ZFC3H1: variants seen among roughly 807,000 people sequenced by gnomAD.
The protein encoded by ZFC3H1 is zinc finger C3H1-type containing, also known as zinc finger C3H1 domain-containing protein.
In ZFC3H1, 71 loss-of-function variants were observed where a neutral mutation model predicts 243.7. That is an observed-to-expected ratio of 0.29 (90% confidence interval 0.24 to 0.36). The LOEUF (loss-of-function observed/expected upper bound fraction) is 0.36, where lower values mean the gene tolerates loss of function less well. Ranked by LOEUF, ZFC3H1 falls within the 10% of genes least tolerant of loss-of-function variation. The pLI is 1.00. For missense variants in ZFC3H1, 1,966 were observed against 2,317.1 expected (o/e 0.85, Z 3.11); for synonymous variants, 838 against 813.0 (o/e 1.03, Z -0.52).
Position 71,663,272 on chromosome 12 carries a change from A to G in ZFC3H1, c.339T>C (p.His113=), listed in dbSNP as rs766017563. 6 of 1,613,482 alleles carry G rather than the reference A, an allele frequency of 3.7e-6. No homozygotes were observed. In the East Asian group the frequency reaches 1.3e-4, roughly 36 times the overall value. ...TCGAAGGCATCCGTACAGAAGGCGG[A>G]TGAGACCGGAACGGTTCTTTGGGTC... The part of the protein sequence containing the change: ...SYRPKEPFRS[H]PPSVRMPSSS... The change falls in exon 1 of 35, where the codon CAT becomes CAC. Residue 113 remains histidine (H), a synonymous_variant. Transcript: ENST00000378743.
At chr12:71,655,778 T>G (rs889792253) in intron 2 of ZFC3H1, among the ~76,000 whole-genome samples, 1 of 151,914 alleles carries the variant, frequency 6.6e-6, no homozygotes, top group African/African-American at 2.4e-5. Context: ...CCCAACTAAT[T>G]TGAGTATTAT....
intron 23 of ZFC3H1, 135 bp from the exon 24 acceptor site, chr12:71,623,732 T>A: frequency 1.5e-6 from 1 of 658,166 alleles, no homozygotes; most frequent in Middle Eastern, 4.2e-4. Context: ...GTCCTGATAC[T>A]TAAAATCTAA....
At chr12:71,655,522 T>C (rs1367601165) in intron 2 of ZFC3H1, among the ~76,000 whole-genome samples, 1 of 151,972 alleles carries the variant, frequency 6.6e-6, no homozygotes, top group East Asian at 1.9e-4. Context: ...ATACTACAGA[T>C]AAAAAAGTAA....
Position 71,632,509 on chromosome 12 carries a change from G to C in ZFC3H1, c.2823C>G (p.Asn941Lys). 6.4e-7 allele frequency: 1 copy of C among 1,552,682 alleles called. No individual in the cohort carries two copies. Among genetic ancestry groups the C allele is most frequent in the Non-Finnish European group, 8.6e-7 (1 of 1,162,658 alleles). The change falls in exon 15 of 35, where the codon AAC becomes AAG. Residue 941 changes from asparagine to lysine, a missense_variant. Asn to Lys is a moderately conservative substitution (Grantham distance 94). This residue lies in a region of ZFC3H1 where 1,383 missense variants were observed against 1,723.7 expected (regional missense o/e 0.80). Coordinates refer to ENST00000378743, the MANE Select transcript of ZFC3H1 (RefSeq NM_144982.5). The part of the protein sequence containing the change: ...RKLEQDRFGP[N>K]KMMRLDSSPV... ...GAGAACTGTCCAGTCTCATCATTTT[G>C]TTTGGCTAAGGGAGAAAAATGATAC... is the stretch of plus-strand genomic sequence containing the variant.
At chr12:71,633,174 G>A in intron 13 of ZFC3H1, 90 bp downstream of exon 13, 1 of 1,421,866 alleles carries the variant, frequency 7.0e-7, no homozygotes, top group Non-Finnish European at 9.4e-7. Flanking sequence ...ATATTTTGCT[G>A]GCTTTAGTAT....
intron 31 of ZFC3H1, among the ~76,000 whole-genome samples, chr12:71,612,191 A>T (rs992607021): frequency 6.6e-6 from 1 of 152,088 alleles, no homozygotes; most frequent in South Asian, 2.1e-4. Flanking sequence ...ATTTTTTTTT[A>T]AAGTAATGGC....
chr12:71,657,063 C>A lies in ZFC3H1; in HGVS notation c.837G>T (p.Lys279Asn). The change falls in exon 2 of 35, where the codon AAG becomes AAT. Residue 279 changes from lysine (K) to asparagine (N), a missense_variant. Physicochemically the swap from Lys to Asn is moderately conservative, Grantham distance 94 (BLOSUM62 0). Coordinates refer to ENST00000378743, the MANE Select transcript of ZFC3H1 (RefSeq NM_144982.5). ...CAGGAGCTACTTCTTTACTTGAATC[C>A]TTTGTAATACTGACATTATCAGTGC... is the stretch of plus-strand genomic sequence containing the variant. Reference protein sequence around the residue: ...QTSTDNVSITKDSSKEVAPEE... With the variant: ...QTSTDNVSITNDSSKEVAPEE... 1 of 1,613,832 alleles carries A rather than the reference C, an allele frequency of 6.2e-7. No homozygotes were observed.
chr12:71,642,109 C>T (rs1880615654), intron 6 of ZFC3H1, among the ~76,000 whole-genome samples: 1 of 152,240 alleles, frequency 6.6e-6, no homozygotes, highest in Non-Finnish European at 1.5e-5. Context: ...CTCAGCATCC[C>T]AAAGTACTGG....
In ZFC3H1 at chr12:71,637,052, G is replaced by A. The variant is rs1336617839; in HGVS notation, c.1733C>T (p.Pro578Leu). 1.2e-6 allele frequency: 2 copies of A among 1,603,692 alleles called. No individual in the cohort carries two copies. Among genetic ancestry groups the A allele is most frequent in the East Asian group, 2.2e-5 (1 of 44,802 alleles). ...TTCCACATAAGGCTGGCTCAAAGGT[G>A]GCAGAGACTATTTTTTAAAAAAAGA... Reference protein sequence around the residue: ...LPPPPQVSSLPPLSQPYVEGL... With the variant: ...LPPPPQVSSLLPLSQPYVEGL... The change falls in exon 8 of 35, where the codon CCA becomes CTA. Residue 578 changes from proline (P) to leucine (L), a missense_variant. Transcript: ENST00000378743.
Position 71,613,064 on chromosome 12 carries a change from T to C in ZFC3H1, c.5627+271A>G, listed in dbSNP as rs193123350. ...TTATAATGCACATGCTAAGGACAGA[T>C]GGTGTGTGTTTAGGGAACACAGATG... On this transcript the variant is annotated intron_variant, in intron 31 of 34. Transcript: ENST00000378743. 6.1e-3 allele frequency among the ~76,000 whole-genome samples: 936 copies of C among 152,292 alleles called. 5 individuals are homozygous for C. The highest frequency in any genetic ancestry group is 0.016 in the African/African-American group (668 of 41,558).
At position 71,615,232 on chromosome 12, in the gene ZFC3H1, TTGG is replaced by T. The variant is rs769005659; in HGVS notation, c.5226_5228del (p.His1742del). On this transcript the variant is annotated inframe_deletion, in exon 28 of 35. Coordinates refer to ENST00000378743, the MANE Select transcript of ZFC3H1 (RefSeq NM_144982.5). ...AGTAAATCAGCCACAAATAAGGAACTTGGTGGTTAAACATATCATCATCAAAAT... is the reference window on the plus strand; with the variant it reads ...AGTAAATCAGCCACAAATAAGGAACTTGGTTAAACATATCATCATCAAAAT... The T allele has an allele frequency of 1.9e-6, 3 of 1,613,326 alleles. No homozygotes were observed. The highest frequency in any genetic ancestry group is 2.5e-6 in the Non-Finnish European group (3 of 1,179,608).
chr12:71,635,700 G>A, intron 9 of ZFC3H1, 120 bp from the exon 10 acceptor site: 5 of 929,804 alleles, frequency 5.4e-6, no homozygotes, highest in East Asian at 3.0e-5. Context: ...TTCTAGGGTT[G>A]TATTACATAA....
intron 2 of ZFC3H1, among the ~76,000 whole-genome samples, chr12:71,649,973 G>A (rs1039539773): frequency 2.0e-5 from 3 of 152,220 alleles, no homozygotes; most frequent in Admixed American, 6.5e-5. Flanking sequence ...TGGATCACGA[G>A]GTCAGGAGAT....
At chr12:71,627,640 G>C (rs906387387) in intron 21 of ZFC3H1, 111 bp downstream of exon 21, 8 of 993,490 alleles carry the variant, frequency 8.1e-6, no homozygotes, top group Non-Finnish European at 1.2e-5. Flanking sequence ...AAAAAACAAA[G>C]ACTCCATTGA....
intron 6 of ZFC3H1, 101 bp from the exon 7 acceptor site, chr12:71,638,616 C>T: frequency 3.2e-6 from 3 of 946,266 alleles, no homozygotes; most frequent in Non-Finnish European, 4.6e-6. Context: ...AGGTGGAGTG[C>T]AAATTAGATT....
chr12:71,662,856 A>C (rs1881221681), intron 1 of ZFC3H1, 157 bp downstream of exon 1: 1 of 767,818 alleles, frequency 1.3e-6, no homozygotes, highest in Non-Finnish European at 2.1e-6. Context: ...ATAGTGTGAC[A>C]CATGGGGAAT....
Position 71,629,591 on chromosome 12 carries a change from A to ACT in ZFC3H1, c.3826+16_3826+17dup, listed in dbSNP as rs1555179697. 12 of 1,481,516 alleles carry ACT rather than the reference A, an allele frequency of 8.1e-6. No homozygotes were observed. The highest frequency in any genetic ancestry group is 3.5e-4 in the Middle Eastern group (2 of 5,746). 91.8% of individuals were successfully genotyped at this position (1,481,516 alleles called of 1,614,324 possible). A position where few individuals can be genotyped will look rare whatever the true frequency, so the allele number is the denominator to read the frequency against. The stretch of plus-strand genomic sequence containing the variant: ...CACACACACACACACACACACACAC[A>ACT]CTTATATATGTACTTACTATGACCT... On this transcript the variant is annotated intron_variant, in intron 19 of 34. Coordinates refer to ENST00000378743, the MANE Select transcript of ZFC3H1 (RefSeq NM_144982.5).
intron 4 of ZFC3H1, 63 bp downstream of exon 4, chr12:71,644,814 G>C: frequency 6.4e-7 from 1 of 1,556,914 alleles, no homozygotes; most frequent in Non-Finnish European, 8.7e-7. Context: ...GCAAAACTCT[G>C]TCTCAAAAAA....
intron 27 of ZFC3H1, among the ~76,000 whole-genome samples, chr12:71,616,450 G>C (rs1194302267): frequency 6.6e-6 from 1 of 152,142 alleles, no homozygotes. Flanking sequence ...AAAGATCTAT[G>C]ATCAAATAAG....
Sources: allele counts gnomAD v4.1 joint callset (sites outside exome capture counted in the v4.1 genomes callset), GRCh38; gene constraint gnomAD v4.1.1; regional missense constraint gnomAD v4.1.1; transcripts MANE v1.5; gene names NCBI Gene and HGNC (gene_info 2026-07-23, HGNC 2026-07-21).